Variants in RCC2 observed in about 807,000 individuals in gnomAD.
The protein encoded by RCC2 is regulator of chromosome condensation 2, also known as protein RCC2.
In RCC2, 19 loss-of-function variants were observed where a neutral mutation model predicts 64.1. The ratio of observed to expected loss-of-function variants is 0.30; its 90% CI spans 0.21 to 0.44. The LOEUF is 0.44. Ranked by LOEUF, RCC2 falls within the 20% of genes least tolerant of loss-of-function variation. The probability of loss-of-function intolerance (pLI) is 1.00; values close to 1 mark genes in which losing one functional copy is unlikely to be tolerated. For missense variants in RCC2, 508 were observed against 710.4 expected (o/e 0.72, Z 3.24); for synonymous variants, 325 against 279.6 (o/e 1.16, Z -1.62).
chr1:17,436,768 T>C (rs1570214460), intron 2 of RCC2, among the ~76,000 whole-genome samples: 2 of 152,346 alleles, frequency 1.3e-5, no homozygotes, highest in African/African-American at 4.8e-5. Context: ...TCACTCAAAA[T>C]AGGATACAGG....
chr1:17,414,779 C>CA (rs1327320470), intron 8 of RCC2, among the ~76,000 whole-genome samples: 1 of 152,072 alleles, frequency 6.6e-6, no homozygotes, highest in East Asian at 1.9e-4. Context: ...CTTGGGTGTG[C>CA]ACCACCATGC....
At chr1:17,417,528 C>G (rs1333418141) in intron 7 of RCC2, among the ~76,000 whole-genome samples, 1 of 152,106 alleles carries the variant, frequency 6.6e-6, no homozygotes, top group African/African-American at 2.4e-5. Flanking sequence ...AACAAACAAA[C>G]AAAGATTAGC....
At chr1:17,417,730 G>GC (rs1458232629) in intron 7 of RCC2, among the ~76,000 whole-genome samples, 4 of 151,904 alleles carry the variant, frequency 2.6e-5, no homozygotes, top group Non-Finnish European at 4.4e-5. Context: ...TTGTAAACTA[G>GC]CCCCCGGCTT....
rs1216281601 is a variant in RCC2 at position 17,410,057 on chromosome 1, G to A, written c.1387-6C>T. 6.8e-6 allele frequency: 11 copies of A among 1,613,358 alleles called. No homozygotes were observed. Among genetic ancestry groups the A allele is most frequent in the South Asian group, 5.5e-5 (5 of 91,064 alleles). On this transcript the variant is annotated splice_polypyrimidine_tract_variant and splice_region_variant and intron_variant, in intron 11 of 12. Coordinates refer to ENST00000375436, the MANE Select transcript of RCC2 (RefSeq NM_018715.4). Reference sequence around the variant, plus strand: ...GGCTTGTGGTCCCCGTAGCCCTGGCGAAGCAAACAAGATGTTCGCAATCGA... The same window carrying A: ...GGCTTGTGGTCCCCGTAGCCCTGGCAAAGCAAACAAGATGTTCGCAATCGA...
rs1281277467 is a variant in RCC2 at position 17,410,366 on chromosome 1, G to A, written c.1387-315C>T. 3.9e-5 allele frequency among the ~76,000 whole-genome samples: 6 copies of A among 152,200 alleles called. No individual in the cohort carries two copies. The East Asian group carries it at 9.6e-4, about 24-fold the overall frequency. On this transcript the variant is annotated intron_variant, in intron 11 of 12. Transcript: ENST00000375436. ...CACTGGTGACAAGAGATGACACCAC[G>A]AGTGCAGGAAGAATGGCAACTGCGG...
Position 17,420,704 on chromosome 1 carries a change from A to G in RCC2, c.859+10T>C, listed in dbSNP as rs1336903961. 6.5e-7 allele frequency: 1 copy of G among 1,543,742 alleles called. No homozygotes were observed. Among genetic ancestry groups the G allele is most frequent in the East Asian group, 2.2e-5 (1 of 44,482 alleles). On this transcript the variant is annotated intron_variant, in intron 7 of 12. Coordinates refer to ENST00000375436, the MANE Select transcript of RCC2 (RefSeq NM_018715.4). ...AGATTACAGAGCTTTTAAAAAATGT[A>G]CTTCCATACCCAGCTGACCATATTC...
intron 6 of RCC2, 74 bp downstream of exon 6, chr1:17,422,129 C>A: frequency 9.2e-7 from 1 of 1,083,700 alleles, no homozygotes; most frequent in Non-Finnish European, 1.4e-6. Flanking sequence ...CAAACGGAGA[C>A]CCCACCTTAG....
chr1:17,415,488 G>GGGCA (rs1193386903), intron 8 of RCC2, among the ~76,000 whole-genome samples: 14 of 150,936 alleles, frequency 9.3e-5, no homozygotes, highest in Non-Finnish European at 1.6e-4. Context: ...CGAGGCAGGT[G>GGGCA]GATCACGAGG....
At chr1:17,419,960 G>C (rs2075536519) in intron 7 of RCC2, among the ~76,000 whole-genome samples, 1 of 152,194 alleles carries the variant, frequency 6.6e-6, no homozygotes, top group African/African-American at 2.4e-5. Flanking sequence ...AGGCCAGCGG[G>C]CTCGGCGCTA....
intron 9 of RCC2, 66 bp downstream of exon 9, chr1:17,413,471 G>C: frequency 1.3e-6 from 2 of 1,517,860 alleles, no homozygotes; most frequent in Non-Finnish European, 1.8e-6. Flanking sequence ...GTGGTCTAGG[G>C]ACAGGACAAT....
At chr1:17,432,889 C>T (rs988236419) in intron 2 of RCC2, among the ~76,000 whole-genome samples, 1 of 151,950 alleles carries the variant, frequency 6.6e-6, no homozygotes, top group Non-Finnish European at 1.5e-5. Context: ...ACCCGGGAGG[C>T]GGGGCTTGCA....
chr1:17,420,904 G>A, intron 6 of RCC2, 76 bp from the exon 7 acceptor site: 3 of 925,760 alleles, frequency 3.2e-6, no homozygotes, highest in Non-Finnish European at 3.3e-6. Context: ...CATGTTGGTG[G>A]GAAACAATTA....
At chr1:17,409,283 G>A (rs894473351) in intron 12 of RCC2, 89 bp from the exon 13 acceptor site, 19 of 843,840 alleles carry the variant, frequency 2.3e-5, no homozygotes, top group East Asian at 9.7e-5. Flanking sequence ...CTGCTAAAGC[G>A]GGTCAGCATG....
At position 17,406,889 on chromosome 1, in the gene RCC2, C is replaced by T. The variant is rs2075366275; in HGVS notation, c.*2201G>A. ...AAATCACAACCTCCTCTTTGATTCCCCTTCACGCTAAGCCTCTTTCAAATT... is the reference window on the plus strand; with the variant it reads ...AAATCACAACCTCCTCTTTGATTCCTCTTCACGCTAAGCCTCTTTCAAATT... On this transcript the variant is annotated 3_prime_UTR_variant, in exon 13 of 13. Coordinates refer to ENST00000375436, the MANE Select transcript of RCC2 (RefSeq NM_018715.4). 6.6e-6 allele frequency: 1 copy of T among 152,226 alleles called. No homozygotes were observed. The highest frequency in any genetic ancestry group is 1.5e-5 in the Non-Finnish European group (1 of 68,052). 9.4% of individuals were successfully genotyped at this position (152,226 alleles called of 1,614,324 possible). A position where few individuals can be genotyped will look rare whatever the true frequency, so the allele number is the denominator to read the frequency against.
intron 11 of RCC2, among the ~76,000 whole-genome samples, chr1:17,411,481 CAGG>C (rs1451770586): frequency 2.7e-5 from 4 of 150,690 alleles, no homozygotes; most frequent in Non-Finnish European, 5.9e-5. Flanking sequence ...GAGGCTGAAG[CAGG>C]AGAACTGAGA....
chr1:17,419,542 T>A (rs1002662816), intron 7 of RCC2, among the ~76,000 whole-genome samples: 1 of 152,214 alleles, frequency 6.6e-6, no homozygotes, highest in African/African-American at 2.4e-5. Flanking sequence ...GAATAAGCGA[T>A]TCTGTAGCTA....
At chr1:17,413,478 C>A in intron 9 of RCC2, 59 bp downstream of exon 9, 2 of 1,553,298 alleles carry the variant, frequency 1.3e-6, no homozygotes, top group Admixed American at 1.7e-5. Context: ...AGGGACAGGA[C>A]AATGGCTACA....
In RCC2 at chr1:17,422,717, A is replaced by C; in HGVS notation, c.643T>G (p.Leu215Val). 6.2e-7 allele frequency: 1 copy of C among 1,614,102 alleles called. No homozygotes were observed. The highest frequency in any genetic ancestry group is 8.5e-7 in the Non-Finnish European group (1 of 1,179,966). ...VSAACGRNHT[L>V]ALTETGSVFA... Reference sequence around the variant, plus strand: ...GCCACCTCCTTACCCGTCAAGGCCAAGGTGTGGTTCCGCCCACATGCTGCA... The same window carrying C: ...GCCACCTCCTTACCCGTCAAGGCCACGGTGTGGTTCCGCCCACATGCTGCA... The change falls in exon 5 of 13, where the codon TTG becomes GTG. Residue 215 changes from leucine (L) to valine (V), a missense_variant. Physicochemically the swap from Leu to Val is conservative, Grantham distance 32 (BLOSUM62 1). Coordinates refer to ENST00000375436, the MANE Select transcript of RCC2 (RefSeq NM_018715.4).
intron 2 of RCC2, among the ~76,000 whole-genome samples, chr1:17,436,112 G>C (rs1475105093): frequency 6.6e-6 from 1 of 152,124 alleles, no homozygotes; most frequent in Non-Finnish European, 1.5e-5. Flanking sequence ...AGCTTTTAGA[G>C]TCCTGCTTAT....
Sources: gnomAD v4.1 joint callset for allele counts (sites outside exome capture counted in the v4.1 genomes callset) on GRCh38, gnomAD v4.1.1 for gene constraint, MANE v1.5 for transcripts, NCBI Gene and HGNC (gene_info 2026-07-23, HGNC 2026-07-21) for gene names.